IL4R: variants seen among roughly 807,000 people sequenced by gnomAD.
IL4R encodes interleukin-4 receptor subunit alpha.
A neutral mutation model predicts 41.5 loss-of-function variants in IL4R; 17 were observed. That is an observed-to-expected ratio of 0.41 (90% CI 0.28 to 0.61). The LOEUF (loss-of-function observed/expected upper bound fraction) is 0.61. Among genes scored for constraint, IL4R ranks in the 20% least tolerant of loss-of-function variants. The pLI is 0.31. For synonymous variants in IL4R, 402 were observed against 422.9 expected (o/e 0.95, Z 0.61); for missense variants, 974 against 1,043.1 (o/e 0.93, Z 0.91).
intron 6 of IL4R, among the ~76,000 whole-genome samples, chr16:27,350,473 C>T (rs1428048746): frequency 1.3e-5 from 2 of 152,050 alleles, no homozygotes; most frequent in African/African-American, 2.4e-5. Flanking sequence ...AAAAACCTCC[C>T]CTTGGCTCAC....
At chr16:27,348,571 T>A (rs2085749243) in intron 6 of IL4R, among the ~76,000 whole-genome samples, 1 of 152,208 alleles carries the variant, frequency 6.6e-6, no homozygotes. Flanking sequence ...TGCCTACTAG[T>A]TGCTCCAGGC....
At chr16:27,336,882 C>G (rs1026070952) in intron 2 of IL4R, among the ~76,000 whole-genome samples, 1 of 151,896 alleles carries the variant, frequency 6.6e-6, no homozygotes, top group Non-Finnish European at 1.5e-5. Context: ...AGTTCAAGAC[C>G]AGCCTGACCA....
rs1156688496 is a variant in IL4R at position 27,363,396 on chromosome 16, C to T, written c.2044C>T (p.Pro682Ser). 1.2e-6 allele frequency: 2 copies of T among 1,614,010 alleles called. No individual in the cohort carries two copies. Among genetic ancestry groups the T allele is most frequent in the East Asian group, 2.2e-5 (1 of 44,884 alleles). ...SSSPEHLGLE[P>S]GEKVEDMPKP... ...CTCCCCAGAGCACCTGGGTCTGGAG[C>T]CGGGGGAAAAGGTAGAGGACATGCC... The change falls in exon 11 of 11, where the codon CCG becomes TCG. Residue 682 changes from proline to serine, a missense_variant. Pro to Ser is a moderately conservative substitution (Grantham distance 74). Around this residue, in one of 3 missense-constraint regions of IL4R, gnomAD observed 682 missense variants for 704.3 expected, o/e 0.97. Transcript: ENST00000395762.
intron 1 of IL4R, among the ~76,000 whole-genome samples, chr16:27,324,574 T>G (rs2084901661): frequency 6.6e-6 from 1 of 152,168 alleles, no homozygotes. Flanking sequence ...GGCCCGAGTG[T>G]GCAATATGCC....
At chr16:27,315,942 C>A (rs1414679239) in intron 1 of IL4R, among the ~76,000 whole-genome samples, 2 of 152,106 alleles carry the variant, frequency 1.3e-5, no homozygotes, top group African/African-American at 4.8e-5. Context: ...TAAGGGTTTC[C>A]AAATGCTAGG....
intron 2 of IL4R, among the ~76,000 whole-genome samples, chr16:27,331,269 C>T (rs2085105737): frequency 6.6e-6 from 1 of 152,076 alleles, no homozygotes; most frequent in Admixed American, 6.6e-5. Context: ...CCCCAAAACA[C>T]TAAGGTCTCT....
chr16:27,339,483 T>A (rs1394319346), intron 2 of IL4R, among the ~76,000 whole-genome samples: 1 of 152,152 alleles, frequency 6.6e-6, no homozygotes, highest in Non-Finnish European at 1.5e-5. Flanking sequence ...CAGATGGGGC[T>A]ATTCTTAGTC....
At chr16:27,323,865 C>T (rs2084882065) in intron 1 of IL4R, among the ~76,000 whole-genome samples, 1 of 152,054 alleles carries the variant, frequency 6.6e-6, no homozygotes. Flanking sequence ...TGCCATGTTA[C>T]CCAGGCTGGT....
chr16:27,332,385 A>G (rs1168890186), intron 2 of IL4R, among the ~76,000 whole-genome samples: 1 of 151,906 alleles, frequency 6.6e-6, no homozygotes, highest in Admixed American at 6.6e-5. Context: ...TCTCAGGAGA[A>G]CTCACTCACT....
chr16:27,347,571 T>C (rs1347588424), intron 6 of IL4R, among the ~76,000 whole-genome samples: 2 of 152,204 alleles, frequency 1.3e-5, no homozygotes, highest in Non-Finnish European at 2.9e-5. Flanking sequence ...AGGTCAGTAA[T>C]GGCAGGGGCC....
chr16:27,313,877 C>T (rs983625214), upstream of IL4R: 2 of 979,058 alleles, frequency 2.0e-6, no homozygotes, highest in African/African-American at 3.5e-5. Flanking sequence ...CTGCCGGGCG[C>T]CGGGGCGGGG....
chr16:27,323,210 A>G (rs1376176906), intron 1 of IL4R, among the ~76,000 whole-genome samples: 3 of 152,234 alleles, frequency 2.0e-5, no homozygotes, highest in Non-Finnish European at 4.4e-5. Flanking sequence ...AGTCCTGGTC[A>G]TTGTTGAGAC....
chr16:27,355,613 A>G, intron 7 of IL4R, 195 bp from the exon 8 acceptor site: 1 of 533,588 alleles, frequency 1.9e-6, no homozygotes, highest in Non-Finnish European at 3.4e-6. Flanking sequence ...GCAGGGGGCA[A>G]TGAGGTGGCC....
chr16:27,352,675 C>T lies in IL4R; in HGVS notation c.649C>T (p.Pro217Ser). Reference protein sequence around the residue: ...CYNTTWSEWSPSTKWHNSYRE... With the variant: ...CYNTTWSEWSSSTKWHNSYRE... ...TAACACCACCTGGAGTGAGTGGAGC[C>T]CCAGCACCAAGTGGCACAACTGTGA... Residue 217 changes from proline (P) to serine (S), a missense_variant, in exon 7 of 11, where the codon CCC becomes TCC. By Grantham distance (74) the Pro-to-Ser change is moderately conservative. Around this residue, in one of 3 missense-constraint regions of IL4R, gnomAD observed 284 missense variants for 313.4 expected, o/e 0.91. Coordinates refer to ENST00000395762, the MANE Select transcript of IL4R (RefSeq NM_000418.4). The T allele has an allele frequency of 1.2e-6, 2 of 1,614,122 alleles. No homozygotes were observed. Among genetic ancestry groups the T allele is most frequent in the Non-Finnish European group, 1.7e-6 (2 of 1,180,006 alleles).
At chr16:27,341,419 G>A in intron 3 of IL4R, 1 of 538,464 alleles carries the variant, frequency 1.9e-6, no homozygotes, top group Non-Finnish European at 3.3e-6. Context: ...AAGCCCTTAT[G>A]CAAGTTGTTG....
chr16:27,328,223 A>AAAAAAAAAAAAAT, intron 1 of IL4R, among the ~76,000 whole-genome samples: 1 of 150,150 alleles, frequency 6.7e-6, no homozygotes, highest in Non-Finnish European at 1.5e-5. Context: ...AAAAAAAAAA[A>AAAAAAAAAAAAAT]GATTGTTGAA....
chr16:27,313,934 G>C, upstream of IL4R: 1 of 984,604 alleles, frequency 1.0e-6, no homozygotes, highest in Non-Finnish European at 1.2e-6. Flanking sequence ...GGAAAGCCCC[G>C]CGCGGCGCGG....
intron 6 of IL4R, among the ~76,000 whole-genome samples, chr16:27,349,356 C>T (rs1191846358): frequency 6.6e-6 from 1 of 152,120 alleles, no homozygotes; most frequent in Non-Finnish European, 1.5e-5. Context: ...CAGAAAGAAA[C>T]ATTAGGAACT....
intron 6 of IL4R, among the ~76,000 whole-genome samples, chr16:27,351,510 CTT>C (rs71387789): frequency 0.058 from 6,877 of 118,404 alleles, 628 homozygotes; most frequent in African/African-American, 0.19. Context: ...CTCTCTCTCT[CTT>C]TTTTTTTTTT....
Sources: gnomAD v4.1 joint callset for allele counts (sites outside exome capture counted in the v4.1 genomes callset) on GRCh38, gnomAD v4.1.1 for gene constraint, gnomAD v4.1.1 regional missense constraint, MANE v1.5 for transcripts, NCBI Gene and HGNC (gene_info 2026-07-23, HGNC 2026-07-21) for gene names.